TSHZ3: variants seen among roughly 807,000 people sequenced by gnomAD.
The protein encoded by TSHZ3 is teashirt zinc finger homeobox 3, also known as teashirt homolog 3.
A neutral mutation model predicts 64.5 loss-of-function variants in TSHZ3; 10 were observed. That is an observed-to-expected ratio of 0.16 (90% CI 0.10 to 0.26). TSHZ3 has a LOEUF of 0.26. Ranked by LOEUF, TSHZ3 falls within the 10% of genes least tolerant of loss-of-function variation. The pLI, the probability that TSHZ3 is intolerant of heterozygous loss-of-function variation, is 1.00. For missense variants in TSHZ3, 1,242 were observed against 1,421.7 expected (o/e 0.87, Z 2.03); for synonymous variants, 608 against 593.1 (o/e 1.03, Z -0.36).
chr19:31,164,293 G>A (rs377259447), intron 5 of TSHZ3, among the ~76,000 whole-genome samples: 12 of 152,246 alleles, frequency 7.9e-5, no homozygotes, highest in South Asian at 2.1e-4. Flanking sequence ...TTCTGGGGAC[G>A]CGCTGTTGAC....
At position 31,276,964 on chromosome 19, in the gene TSHZ3, C is replaced by G. The variant is rs1314289940; in HGVS notation, c.2829G>C (p.Met943Ile). The change falls in exon 2 of 2, where the codon ATG becomes ATC. Residue 943 changes from methionine to isoleucine, a missense_variant. Physicochemically the swap from Met to Ile is conservative, Grantham distance 10 (BLOSUM62 1). Around this residue, in one of 4 missense-constraint regions of TSHZ3, gnomAD observed 550 missense variants for 545.1 expected, o/e 1.01. Coordinates refer to ENST00000240587, the MANE Select transcript of TSHZ3 (RefSeq NM_020856.4). ...TGGCCAGCCAGTGGCTGATGGTGGT[C>G]ATGGACAGCCCGGTGAACCTGGAGA... Reference protein sequence around the residue: ...MHISRFTGLSMTTISHWLANV... With the variant: ...MHISRFTGLSITTISHWLANV... 2 of 1,613,944 alleles carry G rather than the reference C, an allele frequency of 1.2e-6. No homozygotes were observed. The highest frequency in any genetic ancestry group is 1.3e-5 in the African/African-American group (1 of 74,936).
At chr19:31,197,559 C>T (rs556759551) in intron 5 of TSHZ3, among the ~76,000 whole-genome samples, 61 of 150,988 alleles carry the variant, frequency 4.0e-4, no homozygotes, top group African/African-American at 1.3e-3. Context: ...AATTAAAAAC[C>T]GGTGCCCCAG....
intron 1 of TSHZ3, among the ~76,000 whole-genome samples, chr19:31,254,944 TG>T (rs1198894929): frequency 1.3e-5 from 2 of 152,128 alleles, no homozygotes; most frequent in African/African-American, 4.8e-5. Flanking sequence ...AAGGTGGTGC[TG>T]GGGGCAGGTG....
chr19:31,210,045 G>C (rs1975243605), intron 4 of TSHZ3, among the ~76,000 whole-genome samples: 1 of 152,142 alleles, frequency 6.6e-6, no homozygotes, highest in African/African-American at 2.4e-5. Flanking sequence ...CTTCATTTGA[G>C]AGTTAGTGGT....
At chr19:31,188,470 A>C (rs1974847813) in intron 5 of TSHZ3, among the ~76,000 whole-genome samples, 2 of 152,044 alleles carry the variant, frequency 1.3e-5, no homozygotes, top group Non-Finnish European at 2.9e-5. Context: ...GAACTCTATC[A>C]GATTGAGAAA....
chr19:31,224,490 A>G (rs901836455), intron 4 of TSHZ3, among the ~76,000 whole-genome samples: 2 of 152,232 alleles, frequency 1.3e-5, no homozygotes, highest in African/African-American at 2.4e-5. Flanking sequence ...GTTTGCTGTG[A>G]AGACAACCAC....
At chr19:31,240,071 T>G (rs944639496) in intron 3 of TSHZ3, among the ~76,000 whole-genome samples, 1 of 152,154 alleles carries the variant, frequency 6.6e-6, no homozygotes, top group Non-Finnish European at 1.5e-5. Context: ...AATCTGAAAA[T>G]TTTTTTCTTG....
intron 1 of TSHZ3, among the ~76,000 whole-genome samples, chr19:31,248,204 T>C (rs1412079068): frequency 6.6e-6 from 1 of 151,984 alleles, no homozygotes; most frequent in African/African-American, 2.4e-5. Context: ...GAGCTACAAT[T>C]CATATGAGAT....
intron 1 of TSHZ3, among the ~76,000 whole-genome samples, chr19:31,254,531 A>C (rs975532563): frequency 6.6e-6 from 1 of 152,162 alleles, no homozygotes; most frequent in African/African-American, 2.4e-5. Flanking sequence ...ACTGGCTTTC[A>C]TATTTCTGAG....
intron 5 of TSHZ3, among the ~76,000 whole-genome samples, chr19:31,171,016 G>C (rs1399938727): frequency 6.6e-6 from 1 of 152,134 alleles, no homozygotes; most frequent in Non-Finnish European, 1.5e-5. Flanking sequence ...TTGTTTCTTA[G>C]AGTAGAAATT....
At chr19:31,245,001 CAAAT>C (rs949370410) in intron 1 of TSHZ3, among the ~76,000 whole-genome samples, 1 of 152,008 alleles carries the variant, frequency 6.6e-6, no homozygotes, top group Non-Finnish European at 1.5e-5. Flanking sequence ...ATAAAGCAGT[CAAAT>C]AAATACTCTA....
At chr19:31,188,778 T>A (rs529598093) in intron 5 of TSHZ3, among the ~76,000 whole-genome samples, 88 of 151,916 alleles carry the variant, frequency 5.8e-4, no homozygotes, top group Non-Finnish European at 9.6e-4. Context: ...CTTGTTTGGT[T>A]ATTTATTAGC....
chr19:31,343,356 C>T (rs1444388040), intron 1 of TSHZ3, among the ~76,000 whole-genome samples: 1 of 152,028 alleles, frequency 6.6e-6, no homozygotes, highest in East Asian at 1.9e-4. Context: ...GAACTACTCG[C>T]CCCCACCCCC....
At chr19:31,302,344 G>A (rs1302482617) in intron 1 of TSHZ3, among the ~76,000 whole-genome samples, 2 of 152,182 alleles carry the variant, frequency 1.3e-5, no homozygotes, top group Non-Finnish European at 2.9e-5. Context: ...GTGTGTGAAT[G>A]GGACATAAGA....
chr19:31,328,207 C>A (rs997810877), intron 1 of TSHZ3, among the ~76,000 whole-genome samples: 1 of 152,206 alleles, frequency 6.6e-6, no homozygotes, highest in African/African-American at 2.4e-5. Flanking sequence ...CACCCAAAAC[C>A]AAGGCACCTT....
intron 1 of TSHZ3, 54 bp downstream of exon 1, chr19:31,349,126 G>T: frequency 6.6e-7 from 1 of 1,524,246 alleles, no homozygotes. Flanking sequence ...GGAGGCGCGG[G>T]GCGAGCGGAG....
intron 5 of TSHZ3, among the ~76,000 whole-genome samples, chr19:31,158,639 A>G (rs1209403874): frequency 1.3e-5 from 2 of 152,198 alleles, no homozygotes; most frequent in Admixed American, 6.5e-5. Flanking sequence ...CTTTATTGCT[A>G]TGATTGCTAC....
intron 1 of TSHZ3, among the ~76,000 whole-genome samples, chr19:31,261,462 C>A (rs1975982749): frequency 6.6e-6 from 1 of 152,136 alleles, no homozygotes; most frequent in Non-Finnish European, 1.5e-5. Context: ...CCAAATTAGT[C>A]ATGTTGTATT....
At position 31,178,180 on chromosome 19, in the gene TSHZ3, A is replaced by C. The variant is rs149870701; in HGVS notation, n.810-21763T>G. Among the ~76,000 whole-genome samples, 416 of 152,314 alleles carry C rather than the reference A, an allele frequency of 2.7e-3. 2 individuals carry two copies. Among genetic ancestry groups the C allele is most frequent in the African/African-American group, 9.1e-3 (377 of 41,580 alleles). On this transcript the variant is annotated intron_variant and non_coding_transcript_variant, in intron 5 of 6. Coordinates refer to the TSHZ3 transcript ENST00000651361. ...ATAGATATGATCGTTCTTTTTGTTT[A>C]ATTGAACAAATGTTTCCCAGTCCCT...
Sources: gnomAD v4.1 joint callset for allele counts (sites outside exome capture counted in the v4.1 genomes callset) on GRCh38, gnomAD v4.1.1 for gene constraint, gnomAD v4.1.1 regional missense constraint, MANE v1.5 for transcripts, NCBI Gene and HGNC (gene_info 2026-07-23, HGNC 2026-07-21) for gene names.